TRERF1: variants seen among roughly 807,000 people sequenced by gnomAD.
TRERF1 encodes transcriptional regulating factor 1, also known as transcriptional-regulating factor 1.
In TRERF1, 27 loss-of-function variants were observed where a neutral mutation model predicts 122.9. That is an observed-to-expected ratio of 0.22 (90% CI 0.16 to 0.30). The LOEUF is 0.30. TRERF1 is among the 10% of genes least tolerant of loss of function. TRERF1 has a pLI of 1.00. For synonymous variants in TRERF1, 636 were observed against 641.7 expected (o/e 0.99, Z 0.13); for missense variants, 1,248 against 1,560.3 (o/e 0.80, Z 3.37).
chr6:42,318,502 GT>G lies in TRERF1; in HGVS notation c.-370-17754del, dbSNP rs539575560. Among the ~76,000 whole-genome samples, 13 of 152,278 alleles carry G rather than the reference GT, an allele frequency of 8.5e-5. No individual in the cohort carries two copies. The South Asian group carries it at 2.5e-3, about 29-fold the overall frequency. ...ACAGCCAAGACGAACCCTTCATTCA[GT>G]TAAGAGGAAGCTCCAGGCTCTAGTT... On this transcript the variant is annotated intron_variant, in intron 3 of 17. Transcript: ENST00000372922.
At chr6:42,331,694 C>T (rs573090461) in intron 3 of TRERF1, among the ~76,000 whole-genome samples, 19 of 152,272 alleles carry the variant, frequency 1.2e-4, no homozygotes, top group Admixed American at 1.1e-3. Context: ...GGGAGGGCAC[C>T]CTGTGAGCCA....
At chr6:42,443,595 G>C (rs1786925040) in intron 2 of TRERF1, among the ~76,000 whole-genome samples, 1 of 152,180 alleles carries the variant, frequency 6.6e-6, no homozygotes, top group Non-Finnish European at 1.5e-5. Context: ...ATTCTTTGTG[G>C]AGCAAACCAA....
rs1174941455 is a variant in TRERF1 at position 42,276,985 on chromosome 6, C to T, written c.-258-7137G>A. 8.5e-5 allele frequency among the ~76,000 whole-genome samples: 13 copies of T among 152,248 alleles called. No homozygotes were observed. In the East Asian group the frequency reaches 2.3e-3, roughly 27 times the overall value. On this transcript the variant is annotated intron_variant, in intron 4 of 17. Coordinates refer to ENST00000372922, the Ensembl canonical transcript of TRERF1. The surrounding 1 kb of genome is among the most constrained non-coding windows in gnomAD (Gnocchi z 4.3). Reference sequence around the variant, plus strand: ...CCTCATTAGGAAATAGAGATTGGACCGATTTCACTTTTTGGTTGTCACTGT... The same window carrying T: ...CCTCATTAGGAAATAGAGATTGGACTGATTTCACTTTTTGGTTGTCACTGT...
chr6:42,418,266 CTTTT>C (rs60655151), intron 2 of TRERF1, among the ~76,000 whole-genome samples: 1 of 37,016 alleles, frequency 2.7e-5, no homozygotes, highest in African/African-American at 1.2e-4. Context: ...TTCTTTCTTT[CTTTT>C]TTTTTTTTTT....
At chr6:42,389,401 G>A (rs750641307) in intron 2 of TRERF1, among the ~76,000 whole-genome samples, 3 of 152,242 alleles carry the variant, frequency 2.0e-5, no homozygotes, top group African/African-American at 4.8e-5. Flanking sequence ...TGAAGGCAAC[G>A]TGAGAGACGC....
At chr6:42,361,098 T>G (rs114351602) in intron 3 of TRERF1, among the ~76,000 whole-genome samples, 438 of 152,156 alleles carry the variant, frequency 2.9e-3, no homozygotes, top group African/African-American at 0.01. Context: ...CTTTGGGAGG[T>G]GATCAGGTCT....
Position 42,263,350 on chromosome 6 carries a change from G to T in TRERF1, c.1854C>A (p.Ser618Arg), listed in dbSNP as rs2149834133. ...CAGGCATCTCGTCGTCCGACATCGA[G>T]CTGGCTGGCTTGTCTCTGGCGGAGG... Residue 618 changes from serine to arginine, a missense_variant, in exon 8 of 18, where the codon AGC becomes AGA. Ser to Arg is a moderately radical substitution (Grantham distance 110). This residue lies in a region of TRERF1 where 946 missense variants were observed against 1,073.0 expected (regional missense o/e 0.88). Transcript: ENST00000372922. The surrounding 1 kb of genome is among the most constrained non-coding windows in gnomAD (Gnocchi z 5.6). 1.2e-6 allele frequency: 2 copies of T among 1,613,134 alleles called. No individual in the cohort carries two copies.
At chr6:42,335,841 C>T (rs759158475) in intron 3 of TRERF1, among the ~76,000 whole-genome samples, 8 of 152,210 alleles carry the variant, frequency 5.3e-5, no homozygotes, top group Non-Finnish European at 1.2e-4. Context: ...CTTCCTGTTG[C>T]TTCCCATGGC....
chr6:42,320,123 A>T (rs1463989276), intron 3 of TRERF1, among the ~76,000 whole-genome samples: 3 of 151,746 alleles, frequency 2.0e-5, no homozygotes, highest in Non-Finnish European at 4.4e-5. Flanking sequence ...CTGGCCTCGA[A>T]CTCCTGACCT....
intron 3 of TRERF1, among the ~76,000 whole-genome samples, chr6:42,301,688 G>A (rs775512229): frequency 1.3e-5 from 2 of 152,146 alleles, no homozygotes; most frequent in South Asian, 2.1e-4. Context: ...CTGTCAAATC[G>A]GCATGAAAGT....
At chr6:42,357,995 T>C (rs543583508) in intron 3 of TRERF1, among the ~76,000 whole-genome samples, 3 of 152,248 alleles carry the variant, frequency 2.0e-5, no homozygotes, top group East Asian at 3.9e-4. Flanking sequence ...CAAGTATTAA[T>C]ACTAGCACTT....
chr6:42,421,610 C>T (rs1394584782), intron 2 of TRERF1, among the ~76,000 whole-genome samples: 1 of 151,722 alleles, frequency 6.6e-6, no homozygotes, highest in Non-Finnish European at 1.5e-5. Flanking sequence ...CCCGTCTCTA[C>T]TAAAATACAA....
chr6:42,395,443 C>T (rs1166875178), intron 2 of TRERF1, among the ~76,000 whole-genome samples: 4 of 152,068 alleles, frequency 2.6e-5, no homozygotes, highest in African/African-American at 7.2e-5. Flanking sequence ...GGATTGAGCC[C>T]GCAGGAAGGC....
At chr6:42,435,361 G>A (rs1414736337) in intron 2 of TRERF1, among the ~76,000 whole-genome samples, 2 of 152,046 alleles carry the variant, frequency 1.3e-5, no homozygotes, top group Admixed American at 1.3e-4. Flanking sequence ...TGGATGGCAT[G>A]TATACAGAGC....
chr6:42,246,292 AC>A (rs1319306674), intron 14 of TRERF1, among the ~76,000 whole-genome samples, 163 bp downstream of exon 14: 3 of 152,032 alleles, frequency 2.0e-5, no homozygotes, highest in Non-Finnish European at 4.4e-5. Context: ...CAGTCCTAAC[AC>A]TGGGGCCATA....
At chr6:42,247,764 C>G (rs1002204274) in intron 13 of TRERF1, among the ~76,000 whole-genome samples, 3 of 152,158 alleles carry the variant, frequency 2.0e-5, no homozygotes, top group African/African-American at 7.2e-5. Context: ...TCTGGAGGCT[C>G]TAGGGAAGCT....
rs1236048085 is a variant in TRERF1, at chr6:42,295,939, G to A, written c.-259+4699C>T. 4.6e-5 allele frequency among the ~76,000 whole-genome samples: 7 copies of A among 152,274 alleles called. No individual in the cohort carries two copies. In the Middle Eastern group the frequency reaches 0.014, roughly 296 times the overall value. ...ATAAAGCCATTTATTACAAGAGGGC[G>A]TGAAAAGTGAAGTCTCATGCCAGCT... On this transcript the variant is annotated intron_variant, in intron 4 of 17. Coordinates refer to ENST00000372922, the Ensembl canonical transcript of TRERF1.
At chr6:42,320,183 G>A (rs1320682775) in intron 3 of TRERF1, among the ~76,000 whole-genome samples, 4 of 152,082 alleles carry the variant, frequency 2.6e-5, no homozygotes, top group Non-Finnish European at 4.4e-5. Context: ...ACAGGCATGA[G>A]CCACCGCACC....
rs897509467 is a variant in TRERF1, at chr6:42,437,325, G to A, written c.-454+13852C>T. On this transcript the variant is annotated intron_variant, in intron 2 of 17. Transcript: ENST00000372922. Reference sequence around the variant, plus strand: ...GAAGCTAACAACGTGTGTGAACCACGCACCCATCGCGCCCAAAGCCCAGGG... The same window carrying A: ...GAAGCTAACAACGTGTGTGAACCACACACCCATCGCGCCCAAAGCCCAGGG... Among the ~76,000 whole-genome samples the A allele has an allele frequency of 2.0e-5, 3 of 152,086 alleles. No homozygotes were observed. The East Asian group carries it at 5.8e-4, about 29-fold the overall frequency.
Sources: gnomAD v4.1 joint callset for allele counts (sites outside exome capture counted in the v4.1 genomes callset) on GRCh38, gnomAD v4.1.1 for gene constraint, gnomAD v4.1.1 regional missense constraint, Gnocchi (gnomAD v3.1) non-coding constraint, MANE v1.5 for transcripts, NCBI Gene and HGNC (gene_info 2026-07-23, HGNC 2026-07-21) for gene names.